CCDC102B: variants seen among roughly 807,000 people sequenced by gnomAD.
CCDC102B encodes the protein coiled-coil domain-containing protein 102B.
CCDC102B carries 75 observed loss-of-function variants against 57.4 expected under a neutral mutation model. The observed-to-expected ratio is 1.31, with a 90% CI of 1.08 to 1.58. The LOEUF (loss-of-function observed/expected upper bound fraction) is 1.58. Ranked by LOEUF, CCDC102B falls within the 40% of genes most tolerant of loss-of-function variation. The probability of loss-of-function intolerance (pLI) is 0.00; values close to 1 mark genes in which losing one functional copy is unlikely to be tolerated. For synonymous variants in CCDC102B, 206 were observed against 201.9 expected (o/e 1.02, Z -0.17); for missense variants, 636 against 582.6 (o/e 1.09, Z -0.94).
At chr18:68,911,360 C>T (rs911502238) in intron 6 of CCDC102B, among the ~76,000 whole-genome samples, 1 of 152,108 alleles carries the variant, frequency 6.6e-6, no homozygotes, top group South Asian at 2.1e-4. Flanking sequence ...AGCATGTTCT[C>T]ACTTACAAGA....
intron 6 of CCDC102B, among the ~76,000 whole-genome samples, chr18:68,972,056 A>G (rs940543791): frequency 5.9e-5 from 9 of 152,148 alleles, no homozygotes; most frequent in African/African-American, 2.2e-4. Context: ...TTTATTTACA[A>G]AAAGAAAGTC....
chr18:68,765,129 G>A (rs553686609), intron 2 of CCDC102B, among the ~76,000 whole-genome samples: 9 of 150,304 alleles, frequency 6.0e-5, no homozygotes, highest in Middle Eastern at 6.8e-3. Context: ...AGACTGAAGT[G>A]GGGGGGATTG....
At chr18:68,878,100 C>CTGTT (rs902858955) in intron 5 of CCDC102B, among the ~76,000 whole-genome samples, 3 of 152,206 alleles carry the variant, frequency 2.0e-5, no homozygotes, top group African/African-American at 7.2e-5. Context: ...TGACTCCTTT[C>CTGTT]TGTTTGTTTG....
At chr18:68,747,579 T>G (rs2033670602) in intron 2 of CCDC102B, among the ~76,000 whole-genome samples, 1 of 152,150 alleles carries the variant, frequency 6.6e-6, no homozygotes, top group African/African-American at 2.4e-5. Flanking sequence ...TCTATGAGTT[T>G]GGCTATTATA....
intron 7 of CCDC102B, among the ~76,000 whole-genome samples, chr18:69,040,385 GGTGTGTGT>G (rs908583162): frequency 3.5e-5 from 2 of 57,312 alleles, no homozygotes; most frequent in African/African-American, 6.4e-5. Context: ...TAGATGCAGG[GGTGTGTGT>G]GTGTGTGTGT....
chr18:68,886,386 T>C (rs909537859), intron 5 of CCDC102B, among the ~76,000 whole-genome samples: 2 of 151,718 alleles, frequency 1.3e-5, no homozygotes, highest in African/African-American at 4.8e-5. Context: ...GAAAAAAAAA[T>C]TTTCAGTAAA....
rs1030120986 is a variant in CCDC102B at position 69,050,195 on chromosome 18, T to A, written c.1435-3835T>A. On this transcript the variant is annotated intron_variant, in intron 7 of 7. Transcript: ENST00000360242. ...ACAGACAGATTCATTGTAATTCAACTCACAATGTTTGCATATAATTTCAAT... is the reference window on the plus strand; with the variant it reads ...ACAGACAGATTCATTGTAATTCAACACACAATGTTTGCATATAATTTCAAT... Among the ~76,000 whole-genome samples the A allele has an allele frequency of 2.6e-5, 4 of 152,296 alleles. No homozygotes were observed. The East Asian group carries it at 7.7e-4, about 29-fold the overall frequency.
chr18:68,953,949 C>G (rs2049772096), intron 6 of CCDC102B, among the ~76,000 whole-genome samples: 2 of 151,618 alleles, frequency 1.3e-5, no homozygotes, highest in Admixed American at 1.3e-4. Context: ...TGTATAAACT[C>G]AAAGTGAATG....
At chr18:68,956,352 ATAT>A (rs1333797139) in intron 6 of CCDC102B, among the ~76,000 whole-genome samples, 7 of 35,522 alleles carry the variant, frequency 2.0e-4, no homozygotes, top group East Asian at 1.1e-3. Flanking sequence ...ATATATATTA[ATAT>A]ATATAATATA....
intron 6 of CCDC102B, among the ~76,000 whole-genome samples, chr18:68,942,641 G>A (rs562115680): frequency 5.3e-5 from 8 of 152,052 alleles, no homozygotes; most frequent in African/African-American, 1.9e-4. Context: ...CCTCCAGCAT[G>A]TCTCAACTCC....
intron 1 of CCDC102B, among the ~76,000 whole-genome samples, chr18:68,820,378 C>T (rs2036645968): frequency 6.6e-6 from 1 of 152,016 alleles, no homozygotes; most frequent in Non-Finnish European, 1.5e-5. Context: ...AAATGCTAAA[C>T]CAAAATTATA....
In CCDC102B at chr18:68,988,753, A is replaced by G. The variant is rs552495909; in HGVS notation, c.1264-22181A>G. 4.6e-5 allele frequency among the ~76,000 whole-genome samples: 7 copies of G among 152,294 alleles called. No homozygotes were observed. The East Asian group carries it at 5.8e-4, about 13-fold the overall frequency. ...CATATTTCAGCAGTATTGGTGTGCAAGAAACATTGTACCATTATATTGCAT... is the reference window on the plus strand; with the variant it reads ...CATATTTCAGCAGTATTGGTGTGCAGGAAACATTGTACCATTATATTGCAT... On this transcript the variant is annotated intron_variant, in intron 6 of 7. Coordinates refer to ENST00000360242, the MANE Select transcript of CCDC102B (RefSeq NM_024781.3).
chr18:68,812,471 T>C (rs561555086), intron 1 of CCDC102B, among the ~76,000 whole-genome samples: 1 of 152,272 alleles, frequency 6.6e-6, no homozygotes, highest in Non-Finnish European at 1.5e-5. Context: ...AAAACAACTT[T>C]CATGTCGTGG....
chr18:68,889,030 G>GTTTTTTT (rs5825880), intron 5 of CCDC102B, among the ~76,000 whole-genome samples: 1 of 148,488 alleles, frequency 6.7e-6, no homozygotes. Flanking sequence ...GTTTTTCTTT[G>GTTTTTTT]TTTTTTTTTT....
At chr18:68,758,396 A>T (rs572039258) in intron 2 of CCDC102B, among the ~76,000 whole-genome samples, 1 of 152,122 alleles carries the variant, frequency 6.6e-6, no homozygotes, top group Admixed American at 6.6e-5. Flanking sequence ...CTGCTGTAAG[A>T]ATCAGTATTA....
At chr18:68,984,755 A>G (rs1262399383) in intron 6 of CCDC102B, among the ~76,000 whole-genome samples, 1 of 152,160 alleles carries the variant, frequency 6.6e-6, no homozygotes, top group Non-Finnish European at 1.5e-5. Context: ...TAAAACTTAA[A>G]TATTCCACAG....
intron 6 of CCDC102B, among the ~76,000 whole-genome samples, chr18:68,958,850 T>C (rs2049974997): frequency 6.6e-6 from 1 of 152,196 alleles, no homozygotes; most frequent in South Asian, 2.1e-4. Flanking sequence ...TTGATTCTTT[T>C]TAGTTATTTT....
At chr18:68,784,906 C>A (rs2035140525) in intron 2 of CCDC102B, among the ~76,000 whole-genome samples, 1 of 151,838 alleles carries the variant, frequency 6.6e-6, no homozygotes, top group Non-Finnish European at 1.5e-5. Flanking sequence ...ATACATGTGC[C>A]ATGCTGGTGC....
In CCDC102B at chr18:68,977,560, A is replaced by G. The variant is rs975664903; in HGVS notation, c.1264-33374A>G. ...TCAACATTTAAACTATAGCACTAAA[A>G]AAAAAAAAACAGGTTGTAAAACAAG... On this transcript the variant is annotated intron_variant, in intron 6 of 7. Transcript: ENST00000360242. Among the ~76,000 whole-genome samples, 8 of 151,780 alleles carry G rather than the reference A, an allele frequency of 5.3e-5. No individual in the cohort carries two copies. In the East Asian group the frequency reaches 1.5e-3, roughly 29 times the overall value.
Sources: gnomAD v4.1 joint callset for allele counts (sites outside exome capture counted in the v4.1 genomes callset) on GRCh38, gnomAD v4.1.1 for gene constraint, MANE v1.5 for transcripts, NCBI Gene and HGNC (gene_info 2026-07-23, HGNC 2026-07-21) for gene names.